Variants in ATXN1 observed in about 807,000 individuals in gnomAD.
The protein encoded by ATXN1 is ataxin-1.
Under a neutral mutation model 56.4 loss-of-function variants are expected in ATXN1, and 8 were observed. The ratio of observed to expected loss-of-function variants is 0.14; its 90% confidence interval spans 0.08 to 0.26. The LOEUF (loss-of-function observed/expected upper bound fraction) is 0.26. ATXN1 is among the 10% of genes least tolerant of loss of function. ATXN1 has a pLI of 1.00. For missense variants in ATXN1, 987 were observed against 1,106.5 expected (o/e 0.89, Z 1.53); for synonymous variants, 514 against 494.6 (o/e 1.04, Z -0.52).
At chr6:16,475,255 A>G (rs893203658) in intron 6 of ATXN1, among the ~76,000 whole-genome samples, 2 of 152,222 alleles carry the variant, frequency 1.3e-5, no homozygotes, top group Non-Finnish European at 2.9e-5. Context: ...AGGAAGCAGA[A>G]GGTCTTAACA....
intron 2 of ATXN1, among the ~76,000 whole-genome samples, chr6:16,744,270 G>A (rs1760445405): frequency 6.6e-6 from 1 of 152,126 alleles, no homozygotes; most frequent in Non-Finnish European, 1.5e-5. Flanking sequence ...AACAGGAAAG[G>A]AATCAGGGTA....
chr6:16,573,719 G>A (rs914980303), intron 4 of ATXN1, among the ~76,000 whole-genome samples: 11 of 151,998 alleles, frequency 7.2e-5, no homozygotes, highest in Admixed American at 5.2e-4. Flanking sequence ...ATATAACTCC[G>A]CTGGCCCCTC....
chr6:16,737,957 T>G (rs981632447), intron 2 of ATXN1: 7 of 152,172 alleles, frequency 4.6e-5, no homozygotes, highest in East Asian at 1.9e-4. Context: ...CAGTTAAGAA[T>G]TTTGAAAGCA....
intron 2 of ATXN1, among the ~76,000 whole-genome samples, chr6:16,690,805 G>A (rs1270901406): frequency 6.6e-5 from 10 of 152,270 alleles, no homozygotes; most frequent in East Asian, 3.9e-4. Flanking sequence ...TGCCTGGAGC[G>A]AGACCTGACC....
chr6:16,597,192 C>T (rs533513447), intron 3 of ATXN1, among the ~76,000 whole-genome samples: 11 of 152,198 alleles, frequency 7.2e-5, no homozygotes, highest in Non-Finnish European at 7.3e-5. Flanking sequence ...TAAACACCTC[C>T]GGTGGAAGGA....
intron 4 of ATXN1, among the ~76,000 whole-genome samples, chr6:16,574,548 T>C (rs893101229): frequency 1.3e-5 from 2 of 152,358 alleles, no homozygotes; most frequent in Admixed American, 6.5e-5. Context: ...TTTCACCATG[T>C]TGGCCAGTCT....
chr6:16,632,514 T>C (rs1763522857), intron 3 of ATXN1, among the ~76,000 whole-genome samples: 1 of 152,110 alleles, frequency 6.6e-6, no homozygotes, highest in Admixed American at 6.6e-5. Flanking sequence ...CAGAATCACT[T>C]AAGCCCCGAG....
intron 3 of ATXN1, among the ~76,000 whole-genome samples, chr6:16,591,201 C>T (rs143544922): frequency 1.5e-3 from 226 of 152,260 alleles, no homozygotes; most frequent in African/African-American, 5.2e-3. Flanking sequence ...CAGCAATCTT[C>T]CCACCTAGGC....
intron 2 of ATXN1, among the ~76,000 whole-genome samples, chr6:16,688,993 TATGA>T (rs1003166813): frequency 5.3e-5 from 8 of 152,054 alleles, no homozygotes; most frequent in African/African-American, 1.7e-4. Context: ...ACATATATAG[TATGA>T]ATATGTGCGC....
At chr6:16,609,782 T>C (rs1763071800) in intron 3 of ATXN1, among the ~76,000 whole-genome samples, 1 of 152,078 alleles carries the variant, frequency 6.6e-6, no homozygotes, top group Non-Finnish European at 1.5e-5. Flanking sequence ...AGAAGACGAT[T>C]TCAAAAAATA....
intron 6 of ATXN1, among the ~76,000 whole-genome samples, chr6:16,394,876 T>C (rs16878011): frequency 0.2 from 30,083 of 152,094 alleles, 4,435 homozygotes; most frequent in African/African-American, 0.42. Context: ...ATTCATGGTA[T>C]AACTTTGTAC....
At chr6:16,714,155 A>G (rs1759584510) in intron 2 of ATXN1, among the ~76,000 whole-genome samples, 1 of 87,538 alleles carries the variant, frequency 1.1e-5, no homozygotes, top group African/African-American at 5.1e-5. Context: ...ACTGTAGAAA[A>G]AAAGAAAGAA....
intron 2 of ATXN1, among the ~76,000 whole-genome samples, chr6:16,723,724 CCTTA>C (rs1223587298): frequency 1.3e-5 from 2 of 152,072 alleles, no homozygotes; most frequent in African/African-American, 2.4e-5. Flanking sequence ...TAGTGCACTT[CCTTA>C]CTTAGAAGGA....
chr6:16,401,450 T>A lies in ATXN1; in HGVS notation c.-160-72980A>T, dbSNP rs1014044726. Among the ~76,000 whole-genome samples, 28 of 151,934 alleles carry A rather than the reference T, an allele frequency of 1.8e-4. 1 individual carries two copies. Among genetic ancestry groups the A allele is most frequent in the Admixed American group, 6.6e-4 (10 of 15,250 alleles). ...CTCTAAAAAACATAATTTAAAAATT[T>A]AAAAAAAATAGCTGGGTGTGGTACA... On this transcript the variant is annotated intron_variant, in intron 6 of 7. Transcript: ENST00000436367.
intron 6 of ATXN1, among the ~76,000 whole-genome samples, chr6:16,445,949 G>A (rs1759626326): frequency 6.6e-6 from 1 of 151,842 alleles, no homozygotes; most frequent in South Asian, 2.1e-4. Context: ...TTGGTTCCAA[G>A]TCTTTGCTAT....
chr6:16,682,203 C>CTTTTTTTT (rs10528588), intron 2 of ATXN1, among the ~76,000 whole-genome samples: 3 of 116,992 alleles, frequency 2.6e-5, no homozygotes, highest in South Asian at 2.8e-4. Flanking sequence ...CTGGGGAGAA[C>CTTTTTTTT]TTTTTTTTTT....
intron 2 of ATXN1, among the ~76,000 whole-genome samples, chr6:16,715,245 G>A (rs531566045): frequency 9.2e-5 from 14 of 152,178 alleles, no homozygotes; most frequent in African/African-American, 7.2e-5. Flanking sequence ...TGCTACATGC[G>A]TTCAGACATT....
intron 2 of ATXN1, among the ~76,000 whole-genome samples, chr6:16,683,069 C>A (rs1429086692): frequency 6.6e-6 from 1 of 151,994 alleles, no homozygotes; most frequent in Admixed American, 6.6e-5. Context: ...ATCTAGGTTT[C>A]CAAAACACCA....
At chr6:16,412,686 A>T (rs933672173) in intron 6 of ATXN1, among the ~76,000 whole-genome samples, 1 of 152,182 alleles carries the variant, frequency 6.6e-6, no homozygotes, top group African/African-American at 2.4e-5. Context: ...ACCCTAAGAA[A>T]TTTGAAGGGT....
Sources: allele counts gnomAD v4.1 joint callset (sites outside exome capture counted in the v4.1 genomes callset), GRCh38; gene constraint gnomAD v4.1.1; transcripts MANE v1.5; gene names NCBI Gene and HGNC (gene_info 2026-07-23, HGNC 2026-07-21).